RPS6KC1: variants seen among roughly 807,000 people sequenced by gnomAD.
The protein encoded by RPS6KC1 is inactive ribosomal protein S6 kinase delta-1.
In RPS6KC1, 54 loss-of-function variants were observed where a neutral mutation model predicts 103.8. The ratio of observed to expected loss-of-function variants is 0.52; its 90% CI spans 0.42 to 0.65. The LOEUF is 0.65. RPS6KC1 is among the 30% of genes least tolerant of loss of function. The pLI is 0.00. For synonymous variants in RPS6KC1, 439 were observed against 438.7 expected, an observed-to-expected ratio of 1.00 and a Z score of -0.01; for missense variants, 1,151 against 1,253.8, an observed-to-expected ratio of 0.92 and a Z score of 1.24.
At chr1:213,122,829 T>C (rs925675933) in intron 5 of RPS6KC1, among the ~76,000 whole-genome samples, 3 of 152,108 alleles carry the variant, frequency 2.0e-5, no homozygotes, top group Non-Finnish European at 4.4e-5. Context: ...TTTTCCTTGG[T>C]AGTGGAGCTT....
the RPS6KC1 span, among the ~76,000 whole-genome samples, chr1:213,843,803 C>G: frequency 6.6e-6 from 1 of 152,118 alleles, no homozygotes; most frequent in Non-Finnish European, 1.5e-5. Context: ...TCCCATCTTC[C>G]TTTTTCCTTT....
At chr1:213,740,542 A>T in the RPS6KC1 span, among the ~76,000 whole-genome samples, 46 of 152,198 alleles carry the variant, frequency 3.0e-4, no homozygotes, top group South Asian at 7.7e-3. Context: ...CCTTGAAGAC[A>T]TTCACATCTA....
the RPS6KC1 span, among the ~76,000 whole-genome samples, chr1:213,438,682 G>A: frequency 9.9e-5 from 15 of 152,036 alleles, 1 homozygote; most frequent in Middle Eastern, 3.4e-3. Flanking sequence ...TGAATTCTCA[G>A]CCTCTCATTC....
At chr1:213,607,654 C>A in the RPS6KC1 span, among the ~76,000 whole-genome samples, 1 of 150,406 alleles carries the variant, frequency 6.6e-6, no homozygotes, top group Admixed American at 6.6e-5. Flanking sequence ...AGCCTGTTAC[C>A]TGGCAGTGTT....
the RPS6KC1 span, among the ~76,000 whole-genome samples, chr1:213,750,315 T>C: frequency 2.0e-3 from 308 of 152,348 alleles, no homozygotes; most frequent in African/African-American, 7.1e-3. Context: ...CAAATAGCCA[T>C]TTTATTGGTA....
the RPS6KC1 span, among the ~76,000 whole-genome samples, chr1:213,646,016 T>G: frequency 6.6e-6 from 1 of 152,326 alleles, no homozygotes; most frequent in South Asian, 2.1e-4. Flanking sequence ...ATAGCAGCAT[T>G]TGCAGCTGAA....
At chr1:213,168,114 G>GAAATGC in intron 7 of RPS6KC1, 141 bp downstream of exon 7, 1 of 542,808 alleles carries the variant, frequency 1.8e-6, no homozygotes, top group Non-Finnish European at 3.2e-6. Flanking sequence ...TTGGTAGAAA[G>GAAATGC]AAATGCATTA....
chr1:213,752,623 G>GA, the RPS6KC1 span, among the ~76,000 whole-genome samples: 2 of 151,920 alleles, frequency 1.3e-5, no homozygotes, highest in African/African-American at 4.8e-5. Context: ...TCCATGGAGG[G>GA]AAAAAAAGAG....
chr1:213,312,557 G>T, the RPS6KC1 span, among the ~76,000 whole-genome samples: 19 of 152,100 alleles, frequency 1.2e-4, no homozygotes, highest in Non-Finnish European at 2.2e-4. Context: ...CCTGCCCTTG[G>T]CTCAGTCCTG....
the RPS6KC1 span, among the ~76,000 whole-genome samples, chr1:213,568,896 A>G: frequency 6.6e-6 from 1 of 152,236 alleles, no homozygotes; most frequent in Non-Finnish European, 1.5e-5. Context: ...CAGACTCTGC[A>G]AATTGTCACG....
At chr1:213,193,861 C>G (rs1440903949) in intron 8 of RPS6KC1, among the ~76,000 whole-genome samples, 2 of 152,018 alleles carry the variant, frequency 1.3e-5, no homozygotes, top group African/African-American at 4.8e-5. Context: ...CTCCTGGATT[C>G]AAGCGATCTG....
the RPS6KC1 span, among the ~76,000 whole-genome samples, chr1:213,483,140 T>C: frequency 6.6e-6 from 1 of 152,112 alleles, no homozygotes; most frequent in South Asian, 2.1e-4. Flanking sequence ...ATATCCTTCT[T>C]CATAAGGCAG....
At chr1:213,678,451 GC>G in the RPS6KC1 span, among the ~76,000 whole-genome samples, 1 of 151,790 alleles carries the variant, frequency 6.6e-6, no homozygotes, top group East Asian at 1.9e-4. Flanking sequence ...GAAGGAACTG[GC>G]AATAAAAATG....
At chr1:213,187,138 A>G (rs2092565585) in intron 8 of RPS6KC1, among the ~76,000 whole-genome samples, 2 of 151,844 alleles carry the variant, frequency 1.3e-5, no homozygotes, top group African/African-American at 4.8e-5. Flanking sequence ...CTGGGTTCAA[A>G]CAGTTCTCCT....
the RPS6KC1 span, among the ~76,000 whole-genome samples, chr1:213,635,103 C>G: frequency 1.3e-5 from 2 of 152,156 alleles, no homozygotes; most frequent in Admixed American, 6.5e-5. Context: ...AGACCAATAA[C>G]AGGCTCTGAA....
the RPS6KC1 span, among the ~76,000 whole-genome samples, chr1:213,361,758 G>C: frequency 3.9e-5 from 6 of 152,324 alleles, no homozygotes; most frequent in Non-Finnish European, 8.8e-5. Flanking sequence ...ACGCACTCCA[G>C]GAATGAGATC....
At chr1:213,570,126 G>A in the RPS6KC1 span, among the ~76,000 whole-genome samples, 3 of 152,140 alleles carry the variant, frequency 2.0e-5, no homozygotes, top group African/African-American at 4.8e-5. Context: ...TAGTTATGAC[G>A]CAGACCTGGG....
At chr1:213,164,570 A>AGT (rs1271043125) in intron 6 of RPS6KC1, among the ~76,000 whole-genome samples, 1 of 152,216 alleles carries the variant, frequency 6.6e-6, no homozygotes, top group Non-Finnish European at 1.5e-5. Flanking sequence ...TTTTCTTTAA[A>AGT]GACAGAGTCT....
chr1:213,855,992 TG>T, the RPS6KC1 span, among the ~76,000 whole-genome samples: 5 of 152,084 alleles, frequency 3.3e-5, no homozygotes, highest in Middle Eastern at 3.4e-3. Flanking sequence ...CTGCAGGGAG[TG>T]GAGAACATCC....
Sources: allele counts gnomAD v4.1 joint callset (sites outside exome capture counted in the v4.1 genomes callset), GRCh38; gene constraint gnomAD v4.1.1; transcripts MANE v1.5; gene names NCBI Gene and HGNC (gene_info 2026-07-23, HGNC 2026-07-21).